The following B4GALT4 variants were observed in gnomAD, a reference collection of about 807,000 sequenced individuals.
B4GALT4 encodes beta-1,4-galactosyltransferase 4.
A neutral mutation model predicts 37.3 loss-of-function variants in B4GALT4; 27 were observed. The ratio of observed to expected loss-of-function variants is 0.72; its 90% confidence interval spans 0.53 to 1.00. The LOEUF is 1.00. Among genes scored for constraint, B4GALT4 ranks in the 50% least tolerant of loss-of-function variants. The pLI is 0.00. For missense variants in B4GALT4, 372 were observed against 413.1 expected, an observed-to-expected ratio of 0.90 and a Z score of 0.86; for synonymous variants, 148 against 154.1, an observed-to-expected ratio of 0.96 and a Z score of 0.29.
intron 7 of B4GALT4, chr3:119,213,120 A>C (rs1168954608): frequency 6.5e-6 from 1 of 152,676 alleles, no homozygotes; most frequent in African/African-American, 2.4e-5. Flanking sequence ...GATGAGGATG[A>C]ATGAAGGGAG....
chr3:119,221,425 C>T (rs2078447333), intron 5 of B4GALT4, among the ~76,000 whole-genome samples: 1 of 152,226 alleles, frequency 6.6e-6, no homozygotes, highest in African/African-American at 2.4e-5. Context: ...GAGGCATGTA[C>T]TGACTTAAGC....
chr3:119,217,357 C>T (rs914005365), intron 6 of B4GALT4, among the ~76,000 whole-genome samples: 3 of 152,184 alleles, frequency 2.0e-5, no homozygotes, highest in African/African-American at 7.2e-5. Context: ...AGAGCTGTTG[C>T]CCATCACTAC....
chr3:119,223,778 G>A (rs748318939), intron 5 of B4GALT4, among the ~76,000 whole-genome samples: 2 of 152,158 alleles, frequency 1.3e-5, no homozygotes, highest in African/African-American at 2.4e-5. Flanking sequence ...AAAGCCCCCC[G>A]ACAGGGGCGC....
chr3:119,230,903 A>C (rs1479470251), intron 2 of B4GALT4, among the ~76,000 whole-genome samples: 1 of 152,248 alleles, frequency 6.6e-6, no homozygotes, highest in Admixed American at 6.5e-5. Context: ...AGGAGTTTGG[A>C]CTTAGACAGA....
chr3:119,231,799 TATAAAATA>T (rs1427995698), intron 2 of B4GALT4, among the ~76,000 whole-genome samples: 1 of 140,864 alleles, frequency 7.1e-6, no homozygotes, highest in African/African-American at 2.6e-5. Context: ...TTTTATAAAA[TATAAAATA>T]ATATATTTTA....
In B4GALT4 at chr3:119,236,885, T is replaced by G. The variant is rs1055191777; in HGVS notation, c.-178A>C. On this transcript the variant is annotated 5_prime_UTR_variant, in exon 2 of 8. Coordinates refer to ENST00000393765, the MANE Select transcript of B4GALT4 (RefSeq NM_003778.4). ...AAATGGCACTTTTGGTCACACCCACTGCCTTCCGCTCCTCTGCCTCTAAAA... is the reference window on the plus strand; with the variant it reads ...AAATGGCACTTTTGGTCACACCCACGGCCTTCCGCTCCTCTGCCTCTAAAA... 1.3e-5 allele frequency: 2 copies of G among 152,230 alleles called. No individual in the cohort carries two copies. The highest frequency in any genetic ancestry group is 4.8e-5 in the African/African-American group (2 of 41,460). The allele number at this position is 152,230 out of a possible 1,614,324, so 9.4% of individuals were successfully genotyped here. A position where few individuals can be genotyped will look rare whatever the true frequency, so the allele number is the denominator to read the frequency against.
rs2078172867 is a variant in B4GALT4 at position 119,211,954 on chromosome 3, G to A, written c.*595C>T. The A allele has an allele frequency of 2.7e-5, 15 of 563,844 alleles. No homozygotes were observed. The South Asian group carries it at 3.5e-4, about 13-fold the overall frequency. The allele number at this position is 563,844 out of a possible 1,614,324, so 34.9% of individuals were successfully genotyped here. A position where few individuals can be genotyped will look rare whatever the true frequency, so the allele number is the denominator to read the frequency against. Reference sequence around the variant, plus strand: ...TGAAGGCTATCAGCAGCTGCAACCAGCTCAGCTACTGCTGCCTTTGCAGCC... The same window carrying A: ...TGAAGGCTATCAGCAGCTGCAACCAACTCAGCTACTGCTGCCTTTGCAGCC... On this transcript the variant is annotated 3_prime_UTR_variant, in exon 8 of 8. Coordinates refer to ENST00000393765, the MANE Select transcript of B4GALT4 (RefSeq NM_003778.4).
intron 5 of B4GALT4, among the ~76,000 whole-genome samples, chr3:119,221,613 C>T (rs2078452599): frequency 6.6e-6 from 1 of 152,172 alleles, no homozygotes; most frequent in Non-Finnish European, 1.5e-5. Flanking sequence ...GATGAGGCTG[C>T]TTACATGATA....
chr3:119,237,464 T>A (rs916822057), intron 1 of B4GALT4, among the ~76,000 whole-genome samples: 6 of 152,334 alleles, frequency 3.9e-5, no homozygotes, highest in African/African-American at 1.4e-4. Context: ...CTTTATCAAA[T>A]ACATAAAGGA....
At chr3:119,238,454 ATT>A (rs2079050392) in intron 1 of B4GALT4, among the ~76,000 whole-genome samples, 1 of 152,120 alleles carries the variant, frequency 6.6e-6, no homozygotes. Context: ...CAGAAACAAT[ATT>A]GTTTTCTGAT....
intron 1 of B4GALT4, 133 bp downstream of exon 1, chr3:119,240,717 G>C (rs1303127987): frequency 6.6e-6 from 1 of 152,258 alleles, no homozygotes; most frequent in Non-Finnish European, 1.5e-5. Context: ...CCCCACGGAC[G>C]CCGCCACGTC....
At chr3:119,215,627 A>T (rs150972967) in intron 7 of B4GALT4, 8 of 152,388 alleles carry the variant, frequency 5.2e-5, no homozygotes, top group African/African-American at 1.9e-4. Context: ...AGAGGTCAGG[A>T]GGACATATTA....
At chr3:119,237,258 C>G (rs2079011410) in intron 1 of B4GALT4, among the ~76,000 whole-genome samples, 188 bp from the exon 2 acceptor site, 1 of 133,748 alleles carries the variant, frequency 7.5e-6, no homozygotes, top group African/African-American at 3.0e-5. Context: ...TCATTAGGGG[C>G]ACCTCACCGT....
chr3:119,230,280 TG>T, intron 2 of B4GALT4, 36 bp from the exon 3 acceptor site: 1 of 792,414 alleles, frequency 1.3e-6, no homozygotes, highest in Non-Finnish European at 2.0e-6. Context: ...TTGTTTCAAA[TG>T]GAAATTCTAT....
chr3:119,216,482 A>C, intron 6 of B4GALT4, 138 bp from the exon 7 acceptor site: 2 of 488,024 alleles, frequency 4.1e-6, no homozygotes, highest in East Asian at 3.4e-5. Flanking sequence ...AGTGTCACAA[A>C]CAGCTTGATT....
In B4GALT4 at chr3:119,226,866, A is replaced by ATG. The variant is rs962629606; in HGVS notation, c.427_428dup (p.Leu144IlefsTer32). 6.8e-6 allele frequency: 11 copies of ATG among 1,614,166 alleles called. No homozygotes were observed. The highest frequency in any genetic ancestry group is 1.7e-5 in the Admixed American group (1 of 60,020). On this transcript the variant is annotated frameshift_variant, in exon 4 of 8. Transcript: ENST00000393765. LOFTEE classifies it high-confidence loss of function. Reference sequence around the variant, plus strand: ...GCTGCCTCTGCAGGAAGGGATGCAGATGTTCCAGCAGGTACATCAGGTGTT... The same window carrying ATG: ...GCTGCCTCTGCAGGAAGGGATGCAGATGTGTTCCAGCAGGTACATCAGGTGTT...
At position 119,224,090 on chromosome 3, in the gene B4GALT4, A is replaced by G. The variant is rs1350117436; in HGVS notation, c.642T>C (p.His214=). 1 of 1,613,572 alleles carries G rather than the reference A, an allele frequency of 6.2e-7. No individual in the cohort carries two copies. Among genetic ancestry groups the G allele is most frequent in the Admixed American group, 1.7e-5 (1 of 59,922 alleles). The change falls in exon 5 of 8, where the codon CAT becomes CAC. Residue 214 remains histidine (H), a synonymous_variant. Transcript: ENST00000393765. ...NLYKCEEHPK[H]LVVGRNSTGY... ...CAGTGCTGTTCCTGCCAACCACCAG[A>G]TGCTTGGGATGCTCCTCACACTTGT...
At position 119,226,910 on chromosome 3, in the gene B4GALT4, G is replaced by T. The variant is rs781573083; in HGVS notation, c.385C>A (p.Pro129Thr). The change falls in exon 4 of 8, where the codon CCC becomes ACC. Residue 129 changes from proline (P) to threonine (T), a missense_variant. Transcript: ENST00000393765. ...AGGTGTTTCTCTCTGTTCCGGTGGG[G>T]AACGAGGATGGCGACCCTCTGTAAA... Reference protein sequence around the residue: ...KALQRVAILVPHRNREKHLMY... With the variant: ...KALQRVAILVTHRNREKHLMY... 2 of 1,614,058 alleles carry T rather than the reference G, an allele frequency of 1.2e-6. No individual in the cohort carries two copies. The highest frequency in any genetic ancestry group is 2.7e-5 in the African/African-American group (2 of 74,916).
At position 119,229,103 on chromosome 3, in the gene B4GALT4, C is replaced by T. The variant is rs74949842; in HGVS notation, c.253+744G>A. Among the ~76,000 whole-genome samples the T allele has an allele frequency of 7.1e-3, 1,081 of 152,334 alleles. 11 individuals carry two copies. Among genetic ancestry groups the T allele is most frequent in the African/African-American group, 0.025 (1,049 of 41,564 alleles). ...GACCACATTGAAAAACTTACCTAGT[C>T]TCTGTCCCTTGACTCCATAGTTTTG... On this transcript the variant is annotated intron_variant, in intron 3 of 7. Coordinates refer to ENST00000393765, the MANE Select transcript of B4GALT4 (RefSeq NM_003778.4).
Sources: gnomAD v4.1 joint callset for allele counts (sites outside exome capture counted in the v4.1 genomes callset) on GRCh38, gnomAD v4.1.1 for gene constraint, MANE v1.5 for transcripts, NCBI Gene and HGNC (gene_info 2026-07-23, HGNC 2026-07-21) for gene names.